The following MAP3K5 variants were observed in gnomAD, a reference collection of about 807,000 sequenced individuals.
The protein encoded by MAP3K5 is ASK-1.
In MAP3K5, 56 loss-of-function variants were observed where a neutral mutation model predicts 158.7. The observed-to-expected ratio is 0.35, with a 90% CI of 0.28 to 0.44. The LOEUF is 0.44. MAP3K5 is among the 20% of genes least tolerant of loss of function. MAP3K5 has a pLI of 1.00. For synonymous variants in MAP3K5, 579 were observed against 601.7 expected (o/e 0.96, Z 0.55); for missense variants, 1,294 against 1,674.8 (o/e 0.77, Z 3.97).
intron 1 of MAP3K5, among the ~76,000 whole-genome samples, chr6:136,770,374 CA>C (rs1784148764): frequency 6.6e-6 from 1 of 152,052 alleles, no homozygotes; most frequent in South Asian, 2.1e-4. Context: ...AAAGATTTTT[CA>C]TACAAATAAC....
intron 7 of MAP3K5, among the ~76,000 whole-genome samples, chr6:136,677,849 T>C (rs563382280): frequency 3.3e-5 from 5 of 152,290 alleles, no homozygotes; most frequent in African/African-American, 1.2e-4. Context: ...CATCAAATGG[T>C]AAAAGAATCT....
At chr6:136,655,469 T>C (rs1738070274) in intron 10 of MAP3K5, among the ~76,000 whole-genome samples, 1 of 152,186 alleles carries the variant, frequency 6.6e-6, no homozygotes, top group Non-Finnish European at 1.5e-5. Flanking sequence ...AAGTAGATGA[T>C]CCTATCAACA....
At chr6:136,668,933 G>A (rs749493474) in intron 8 of MAP3K5, among the ~76,000 whole-genome samples, 4 of 152,084 alleles carry the variant, frequency 2.6e-5, no homozygotes, top group Admixed American at 6.5e-5. Context: ...CCACAAAAGC[G>A]CAATCTAAAA....
intron 12 of MAP3K5, among the ~76,000 whole-genome samples, chr6:136,640,203 G>T (rs1033671049): frequency 1.2e-4 from 18 of 152,226 alleles, no homozygotes; most frequent in Admixed American, 5.2e-4. Context: ...GCTGTTTTAT[G>T]CCAGGGATTG....
At chr6:136,559,635 C>T (rs1331649131) in intron 28 of MAP3K5, among the ~76,000 whole-genome samples, 1 of 152,194 alleles carries the variant, frequency 6.6e-6, no homozygotes, top group Non-Finnish European at 1.5e-5. Context: ...AGCAAAGGCA[C>T]TTGACTGTAA....
intron 15 of MAP3K5, among the ~76,000 whole-genome samples, chr6:136,614,632 C>T (rs1776484995): frequency 6.6e-6 from 1 of 152,196 alleles, no homozygotes; most frequent in Non-Finnish European, 1.5e-5. Context: ...AAGATTCAAA[C>T]CCAGGAGAAC....
chr6:136,680,798 G>A (rs1483004486), intron 7 of MAP3K5, among the ~76,000 whole-genome samples: 1 of 152,106 alleles, frequency 6.6e-6, no homozygotes, highest in East Asian at 1.9e-4. Context: ...TGCAATAACT[G>A]CCCCAATTCT....
At chr6:136,615,526 C>T (rs768870347) in intron 15 of MAP3K5, among the ~76,000 whole-genome samples, 1 of 152,146 alleles carries the variant, frequency 6.6e-6, no homozygotes, top group Non-Finnish European at 1.5e-5. Flanking sequence ...TCAGATCTTA[C>T]AAGTAAACTG....
chr6:136,611,107 C>CAAAAAAAAAAAAAAAAAAAAAAAAAAA (rs59508317), intron 18 of MAP3K5, among the ~76,000 whole-genome samples, 175 bp downstream of exon 18: 4 of 24,450 alleles, frequency 1.6e-4, no homozygotes, highest in Admixed American at 6.4e-4. Context: ...GACCCTGTCT[C>CAAAAAAAAAAAAAAAAAAAAAAAAAAA]AAAAAAAAAA....
intron 3 of MAP3K5, among the ~76,000 whole-genome samples, chr6:136,704,485 T>G (rs965272226): frequency 2.6e-5 from 4 of 152,228 alleles, no homozygotes; most frequent in African/African-American, 7.2e-5. Context: ...TGTGTGGATA[T>G]AGGCTGCTTT....
At chr6:136,790,035 C>T (rs952767147) in intron 1 of MAP3K5, among the ~76,000 whole-genome samples, 1 of 152,170 alleles carries the variant, frequency 6.6e-6, no homozygotes, top group Non-Finnish European at 1.5e-5. Flanking sequence ...TGGAATCCTG[C>T]ATTGGCCACT....
intron 7 of MAP3K5, among the ~76,000 whole-genome samples, chr6:136,686,913 G>A (rs1014895406): frequency 6.6e-6 from 1 of 152,068 alleles, no homozygotes; most frequent in African/African-American, 2.4e-5. Flanking sequence ...CACAGAATTA[G>A]AAAAAACTAC....
Position 136,767,206 on chromosome 6 carries a change from T to C in MAP3K5, c.448+24504A>G, listed in dbSNP as rs117257498. ...TAAGGTAAGTGGTGATTCTCATTTATTTCAAAGCCAGAGTCTACTAACACC... is the reference window on the plus strand; with the variant it reads ...TAAGGTAAGTGGTGATTCTCATTTACTTCAAAGCCAGAGTCTACTAACACC... On this transcript the variant is annotated intron_variant, in intron 1 of 29. Coordinates refer to ENST00000359015, the MANE Select transcript of MAP3K5 (RefSeq NM_005923.4). 4.1e-3 allele frequency among the ~76,000 whole-genome samples: 619 copies of C among 152,292 alleles called. 2 individuals carry two copies. The highest frequency in any genetic ancestry group is 6.8e-3 in the Non-Finnish European group (461 of 68,032).
At chr6:136,639,508 A>G (rs757632943) in intron 13 of MAP3K5, 35 bp downstream of exon 13, 1 of 1,198,784 alleles carries the variant, frequency 8.3e-7, no homozygotes, top group African/African-American at 1.5e-5. Context: ...ATCAGGTAAG[A>G]AGAATCTTTT....
chr6:136,652,615 C>T (rs1284221150), intron 10 of MAP3K5, among the ~76,000 whole-genome samples: 2 of 152,176 alleles, frequency 1.3e-5, no homozygotes, highest in African/African-American at 4.8e-5. Flanking sequence ...CAACTCTCTT[C>T]ATTGACAAGT....
chr6:136,768,594 C>T (rs895299990), intron 1 of MAP3K5, among the ~76,000 whole-genome samples: 4 of 152,152 alleles, frequency 2.6e-5, no homozygotes, highest in Admixed American at 6.5e-5. Flanking sequence ...ATTGTTGGTA[C>T]GACAAAATGG....
At chr6:136,637,977 T>G (rs1777727911) in intron 13 of MAP3K5, among the ~76,000 whole-genome samples, 1 of 152,162 alleles carries the variant, frequency 6.6e-6, no homozygotes, top group Admixed American at 6.5e-5. Flanking sequence ...GATAAAGAAC[T>G]GTTCTGGCCA....
chr6:136,681,583 T>G (rs1779934960), intron 7 of MAP3K5, among the ~76,000 whole-genome samples: 1 of 152,046 alleles, frequency 6.6e-6, no homozygotes, highest in Non-Finnish European at 1.5e-5. Flanking sequence ...CAGTGAGCCA[T>G]GATCACACCC....
intron 23 of MAP3K5, 88 bp from the exon 24 acceptor site, chr6:136,583,828 A>T: frequency 1.6e-6 from 2 of 1,247,598 alleles, no homozygotes; most frequent in South Asian, 1.5e-5. Flanking sequence ...CTGCCCCCAC[A>T]TTTTTTTTTC....
Sources: gnomAD v4.1 joint callset for allele counts (sites outside exome capture counted in the v4.1 genomes callset) on GRCh38, gnomAD v4.1.1 for gene constraint, MANE v1.5 for transcripts, NCBI Gene and HGNC (gene_info 2026-07-23, HGNC 2026-07-21) for gene names.